The following UGT1A8 variants were observed in gnomAD, a reference collection of about 807,000 sequenced individuals.
The protein encoded by UGT1A8 is UDP glucuronosyltransferase family 1 member A8.
A neutral mutation model predicts 45.3 loss-of-function variants in UGT1A8; 39 were observed. The ratio of observed to expected loss-of-function variants is 0.86; its 90% CI spans 0.67 to 1.12. The LOEUF is 1.12. Among genes scored for constraint, UGT1A8 ranks in the 50% most tolerant of loss-of-function variants. UGT1A8 has a pLI of 0.00. For missense variants in UGT1A8, 719 were observed against 664.9 expected (o/e 1.08, Z -0.90); for synonymous variants, 275 against 249.2 (o/e 1.10, Z -0.97).
At chr2:233,757,125 G>A (rs1455211055) in intron 1 of UGT1A8, among the ~76,000 whole-genome samples, 1 of 151,320 alleles carries the variant, frequency 6.6e-6, no homozygotes, top group Non-Finnish European at 1.5e-5. Context: ...CTAGAGAGGA[G>A]GAATGAGCTT....
At chr2:233,694,310 T>G (rs891942975) in intron 1 of UGT1A8, among the ~76,000 whole-genome samples, 9 of 152,004 alleles carry the variant, frequency 5.9e-5, no homozygotes, top group African/African-American at 1.9e-4. Flanking sequence ...TTTTGTTTTT[T>G]TTTTTCCTTT....
intron 1 of UGT1A8, among the ~76,000 whole-genome samples, chr2:233,638,563 C>G (rs1309194126): frequency 6.6e-6 from 1 of 152,142 alleles, no homozygotes; most frequent in Non-Finnish European, 1.5e-5. Flanking sequence ...GATTCGGTTG[C>G]TTGTGACTGA....
At chr2:233,713,286 T>G (rs2076302017) in intron 1 of UGT1A8, 2 of 1,614,222 alleles carry the variant, frequency 1.2e-6, no homozygotes, top group Non-Finnish European at 1.7e-6. Context: ...TCACACTCAA[T>G]CGTTCTTTGA....
chr2:233,619,838 T>C lies in UGT1A8; in HGVS notation c.855+1276T>C, dbSNP rs1231341722. 6.6e-5 allele frequency among the ~76,000 whole-genome samples: 10 copies of C among 152,340 alleles called. No individual in the cohort carries two copies. In the East Asian group the frequency reaches 1.7e-3, roughly 26 times the overall value. On this transcript the variant is annotated intron_variant, in intron 1 of 4. Transcript: ENST00000373450. ...ATCTGCAAGTAATTCCCTTCTCTGA[T>C]ATTTATACTGCTTCTTTTGCTTTGC...
At chr2:233,682,905 G>C in intron 1 of UGT1A8, 1 of 1,497,524 alleles carries the variant, frequency 6.7e-7, no homozygotes, top group Non-Finnish European at 8.8e-7. Flanking sequence ...ATTTCTTTCT[G>C]GTTTAAGGAA....
In UGT1A8 at chr2:233,691,469, C is replaced by A. The variant is rs183049628; in HGVS notation, c.855+72907C>A. ...CCCTTCCTGGGCCCCAGAACACCTCCGGTGCCAAACTTGTGGGTGGGAACA... is the reference window on the plus strand; with the variant it reads ...CCCTTCCTGGGCCCCAGAACACCTCAGGTGCCAAACTTGTGGGTGGGAACA... On this transcript the variant is annotated intron_variant, in intron 1 of 4. Transcript: ENST00000373450. 3.0e-6 allele frequency: 3 copies of A among 985,780 alleles called. No individual in the cohort carries two copies. In the East Asian group the frequency reaches 3.4e-4, roughly 111 times the overall value. 61.1% of individuals were successfully genotyped at this position (985,780 alleles called of 1,614,324 possible).
At chr2:233,626,983 A>C (rs191508970) in intron 1 of UGT1A8, among the ~76,000 whole-genome samples, 1 of 152,216 alleles carries the variant, frequency 6.6e-6, no homozygotes, top group Non-Finnish European at 1.5e-5. Flanking sequence ...GTACAACCAA[A>C]AAACTGTCAG....
chr2:233,636,342 T>G, intron 1 of UGT1A8: 1 of 1,119,246 alleles, frequency 8.9e-7, no homozygotes, highest in South Asian at 2.0e-5. Flanking sequence ...TCTCAGCAAA[T>G]GATACTCGTG....
intron 1 of UGT1A8, among the ~76,000 whole-genome samples, chr2:233,659,251 G>A (rs2073917225): frequency 6.6e-6 from 1 of 152,054 alleles, no homozygotes; most frequent in African/African-American, 2.4e-5. Flanking sequence ...GGAGATTAGG[G>A]ATACCAACCT....
chr2:233,715,019 G>A (rs1306215776), intron 1 of UGT1A8, among the ~76,000 whole-genome samples: 2 of 152,164 alleles, frequency 1.3e-5, no homozygotes, highest in African/African-American at 4.8e-5. Context: ...TGGAACTACA[G>A]GCGCATGGCA....
At chr2:233,709,538 T>C (rs957537523) in intron 1 of UGT1A8, among the ~76,000 whole-genome samples, 1 of 152,188 alleles carries the variant, frequency 6.6e-6, no homozygotes, top group African/African-American at 2.4e-5. Flanking sequence ...CCTACTGTGA[T>C]ATATGTAAGT....
intron 1 of UGT1A8, among the ~76,000 whole-genome samples, chr2:233,709,390 A>G (rs2125615380): frequency 6.6e-6 from 1 of 152,282 alleles, no homozygotes; most frequent in East Asian, 1.9e-4. Flanking sequence ...ATTTCTTTTA[A>G]TAATCTATGG....
At chr2:233,695,502 G>T (rs1032261518) in intron 1 of UGT1A8, among the ~76,000 whole-genome samples, 2 of 151,336 alleles carry the variant, frequency 1.3e-5, no homozygotes, top group African/African-American at 2.4e-5. Flanking sequence ...CAAAGTTTTT[G>T]GAGTATTACA....
At chr2:233,735,095 T>A (rs2078606910) in intron 1 of UGT1A8, among the ~76,000 whole-genome samples, 2 of 152,186 alleles carry the variant, frequency 1.3e-5, no homozygotes, top group South Asian at 4.1e-4. Context: ...TGTTGAACTG[T>A]CTAATATCGA....
chr2:233,683,908 G>C (rs2074655994), intron 1 of UGT1A8, among the ~76,000 whole-genome samples: 1 of 152,088 alleles, frequency 6.6e-6, no homozygotes, highest in Admixed American at 6.6e-5. Context: ...TTTTGGCGGA[G>C]CATATAGTTC....
chr2:233,713,475 G>A, intron 1 of UGT1A8: 1 of 1,614,044 alleles, frequency 6.2e-7, no homozygotes, highest in Non-Finnish European at 8.5e-7. Flanking sequence ...GGCGGTGCTG[G>A]CTAAGTACCT....
intron 1 of UGT1A8, chr2:233,636,611 T>C: frequency 6.2e-7 from 1 of 1,614,166 alleles, no homozygotes. Context: ...AAGCTGCTGG[T>C]AGTGCCCATG....
chr2:233,736,749 T>C (rs1395071479), intron 1 of UGT1A8, among the ~76,000 whole-genome samples: 1 of 152,196 alleles, frequency 6.6e-6, no homozygotes, highest in African/African-American at 2.4e-5. Flanking sequence ...TTTCTGTTTG[T>C]TAGTTTTCCT....
intron 1 of UGT1A8, among the ~76,000 whole-genome samples, chr2:233,717,328 C>T (rs2076563793): frequency 6.6e-6 from 1 of 152,198 alleles, no homozygotes; most frequent in Non-Finnish European, 1.5e-5. Context: ...TGTGTCCTCA[C>T]AAATCCCCAG....
Sources: gnomAD v4.1 joint callset for allele counts (sites outside exome capture counted in the v4.1 genomes callset) on GRCh38, gnomAD v4.1.1 for gene constraint, MANE v1.5 for transcripts, NCBI Gene and HGNC (gene_info 2026-07-23, HGNC 2026-07-21) for gene names.